PTTG1IP: variants seen among roughly 807,000 people sequenced by gnomAD.
PTTG1IP encodes PTTG1 interacting protein.
In PTTG1IP, 16 loss-of-function variants were observed where a neutral mutation model predicts 24.4. That is an observed-to-expected ratio of 0.66 (90% confidence interval 0.44 to 1.00). The LOEUF (loss-of-function observed/expected upper bound fraction) is 1.00. Among genes scored for constraint, PTTG1IP ranks in the 50% least tolerant of loss-of-function variants. The probability of loss-of-function intolerance (pLI) is 0.00; values close to 1 mark genes in which losing one functional copy is unlikely to be tolerated. For synonymous variants in PTTG1IP, 89 were observed against 96.8 expected (o/e 0.92, Z 0.47); for missense variants, 241 against 245.8 (o/e 0.98, Z 0.13).
chr21:44,869,642 T>A (rs1050853932), intron 1 of PTTG1IP, among the ~76,000 whole-genome samples: 3 of 152,208 alleles, frequency 2.0e-5, no homozygotes, highest in African/African-American at 7.2e-5. Context: ...AATTGTATTA[T>A]AAATTTAAAA....
intron 3 of PTTG1IP, among the ~76,000 whole-genome samples, chr21:44,858,824 C>A (rs1320855238): frequency 6.6e-6 from 1 of 152,232 alleles, no homozygotes; most frequent in Non-Finnish European, 1.5e-5. Context: ...GCACAAGACA[C>A]CACTACACAC....
chr21:44,862,825 G>A (rs1017496567), intron 2 of PTTG1IP, among the ~76,000 whole-genome samples: 1 of 152,134 alleles, frequency 6.6e-6, no homozygotes, highest in Non-Finnish European at 1.5e-5. Context: ...GTTTATTCTG[G>A]TCATTTGGGA....
Position 44,861,309 on chromosome 21 carries a change from C to T in PTTG1IP, c.169-38G>A, listed in dbSNP as rs1285046618. On this transcript the variant is annotated intron_variant, in intron 2 of 5. Transcript: ENST00000330938. ...AACATTAAGCAAGCATTAGAAACAA[C>T]AGAAAAACCAAAGAACTGTCCAGGC... The T allele has an allele frequency of 2.6e-6, 4 of 1,553,970 alleles. No individual in the cohort carries two copies. The African/African-American group carries it at 4.1e-5, about 16-fold the overall frequency.
Position 44,850,537 on chromosome 21 carries a change from G to C in PTTG1IP, c.*1044C>G, listed in dbSNP as rs554712613. On this transcript the variant is annotated 3_prime_UTR_variant, in exon 6 of 6. Coordinates refer to ENST00000330938, the MANE Select transcript of PTTG1IP (RefSeq NM_004339.4). ...GCAGAAGGAGCACCAGCGCCTGCTGGGTGGTGTGGGGAGAGCCCTCAGCTG... is the reference window on the plus strand; with the variant it reads ...GCAGAAGGAGCACCAGCGCCTGCTGCGTGGTGTGGGGAGAGCCCTCAGCTG... The C allele has an allele frequency of 1.3e-5, 2 of 152,428 alleles. No individual in the cohort carries two copies. Among genetic ancestry groups the C allele is most frequent in the African/African-American group, 4.8e-5 (2 of 41,584 alleles). 9.4% of individuals were successfully genotyped at this position (152,428 alleles called of 1,614,324 possible). A position where few individuals can be genotyped will look rare whatever the true frequency, so the allele number is the denominator to read the frequency against.
intron 3 of PTTG1IP, among the ~76,000 whole-genome samples, chr21:44,856,809 G>C (rs917072435): frequency 3.3e-5 from 5 of 152,056 alleles, no homozygotes; most frequent in African/African-American, 1.2e-4. Context: ...TTAAACCAAA[G>C]TCAAGAATAT....
intron 1 of PTTG1IP, among the ~76,000 whole-genome samples, chr21:44,869,611 A>G (rs1157300641): frequency 6.6e-6 from 1 of 152,238 alleles, no homozygotes; most frequent in African/African-American, 2.4e-5. Flanking sequence ...ATCAATTTTT[A>G]AAAATAAATA....
chr21:44,872,341 A>G (rs2282116), intron 1 of PTTG1IP, among the ~76,000 whole-genome samples: 15,773 of 152,264 alleles, frequency 0.1, 1,269 homozygotes, highest in East Asian at 0.35. Flanking sequence ...GCATCGGAAT[A>G]AACATTCCAT....
rs779842845 is a variant in PTTG1IP at position 44,861,268 on chromosome 21, G to A, written c.172C>T (p.Leu58Phe). ...CEECLKNVSC[L>F]WCNTNKACLD... Reference sequence around the variant, plus strand: ...CAAGCCTTGTTAGTGTTGCACCAAAGACACTGAAAGAGACCAACATTAAGC... The same window carrying A: ...CAAGCCTTGTTAGTGTTGCACCAAAAACACTGAAAGAGACCAACATTAAGC... Residue 58 changes from leucine (L) to phenylalanine (F), a missense_variant, in exon 3 of 6, where the codon CTT (leucine) becomes TTT (phenylalanine). By Grantham distance (22) the Leu-to-Phe change is conservative (BLOSUM62 0). Transcript: ENST00000330938. 6.2e-7 allele frequency: 1 copy of A among 1,610,178 alleles called. No homozygotes were observed. The highest frequency in any genetic ancestry group is 8.5e-7 in the Non-Finnish European group (1 of 1,177,272).
At chr21:44,866,450 T>A (rs1601255968) in intron 1 of PTTG1IP, among the ~76,000 whole-genome samples, 1 of 20,900 alleles carries the variant, frequency 4.8e-5, no homozygotes, top group Non-Finnish European at 8.8e-5. Context: ...ACACACAGAG[T>A]GCCTACTCCC....
At chr21:44,853,915 A>AGACCGGCAG (rs1237556029) in intron 5 of PTTG1IP, among the ~76,000 whole-genome samples, 3 of 152,226 alleles carry the variant, frequency 2.0e-5, no homozygotes, top group African/African-American at 7.2e-5. Flanking sequence ...CGACACTTCG[A>AGACCGGCAG]GACCGGCAGG....
chr21:44,872,608 T>C (rs1487619497), intron 1 of PTTG1IP, among the ~76,000 whole-genome samples: 2 of 152,138 alleles, frequency 1.3e-5, no homozygotes, highest in African/African-American at 4.8e-5. Flanking sequence ...CTGCTGGATT[T>C]TCCCGCAGCC....
intron 3 of PTTG1IP, among the ~76,000 whole-genome samples, chr21:44,858,731 C>T (rs2083467650): frequency 6.6e-6 from 1 of 152,176 alleles, no homozygotes; most frequent in African/African-American, 2.4e-5. Context: ...GATGTCATTT[C>T]ACAAGAGAAT....
rs145441614 is a variant in PTTG1IP, at chr21:44,863,880, G to T, written c.168+1515C>A. On this transcript the variant is annotated intron_variant, in intron 2 of 5. Transcript: ENST00000330938. ...GGGTGTGTCTCGAACCTACGCTACG[G>T]TCTCGTGGAGGAAGAAGAGTTTTTA... Among the ~76,000 whole-genome samples, 5 of 152,298 alleles carry T rather than the reference G, an allele frequency of 3.3e-5. No homozygotes were observed. The East Asian group carries it at 9.6e-4, about 29-fold the overall frequency.
chr21:44,865,164 G>A (rs1393743753), intron 2 of PTTG1IP, among the ~76,000 whole-genome samples: 3 of 152,232 alleles, frequency 2.0e-5, no homozygotes, highest in Non-Finnish European at 4.4e-5. Context: ...GCATAGGAGT[G>A]AAATCATGGA....
Position 44,862,375 on chromosome 21 carries a change from C to T in PTTG1IP, c.169-1104G>A, listed in dbSNP as rs563892299. Among the ~76,000 whole-genome samples, 41 of 152,320 alleles carry T rather than the reference C, an allele frequency of 2.7e-4. No homozygotes were observed. In the East Asian group the frequency reaches 6.7e-3, roughly 25 times the overall value. ...TCTTTGTTAAAAATACAAAATAAGC[C>T]GGGCGTGGTGGCACATGCCTGTAAT... On this transcript the variant is annotated intron_variant, in intron 2 of 5. Transcript: ENST00000330938.
chr21:44,862,384 T>C (rs1277396521), intron 2 of PTTG1IP, among the ~76,000 whole-genome samples: 3 of 152,204 alleles, frequency 2.0e-5, no homozygotes, highest in African/African-American at 7.2e-5. Flanking sequence ...CCGGGCGTGG[T>C]GGCACATGCC....
At chr21:44,858,577 C>T (rs2051148623) in intron 3 of PTTG1IP, among the ~76,000 whole-genome samples, 1 of 152,220 alleles carries the variant, frequency 6.6e-6, no homozygotes, top group African/African-American at 2.4e-5. Context: ...GAAATGGCTG[C>T]CTCCCCGAGC....
Position 44,851,157 on chromosome 21 carries a change from TCTC to T in PTTG1IP, c.*421_*423del. 1 of 608,076 alleles carries T rather than the reference TCTC, an allele frequency of 1.6e-6. No individual in the cohort carries two copies. Among genetic ancestry groups the T allele is most frequent in the Non-Finnish European group, 2.8e-6 (1 of 359,094 alleles). 37.7% of individuals were successfully genotyped at this position (608,076 alleles called of 1,614,324 possible). ...TGGGGAATGATGAGGGCTGGTCAGT[TCTC>T]CTCATGACAAAAGTCAAACCGACTT... On this transcript the variant is annotated 3_prime_UTR_variant, in exon 6 of 6. Coordinates refer to ENST00000330938, the MANE Select transcript of PTTG1IP (RefSeq NM_004339.4).
At chr21:44,856,785 T>G (rs1300948003) in intron 3 of PTTG1IP, among the ~76,000 whole-genome samples, 3 of 152,230 alleles carry the variant, frequency 2.0e-5, no homozygotes, top group Non-Finnish European at 4.4e-5. Flanking sequence ...TGATGCAGCT[T>G]TCTTTTTTTT....
Sources: gnomAD v4.1 joint callset for allele counts (sites outside exome capture counted in the v4.1 genomes callset) on GRCh38, gnomAD v4.1.1 for gene constraint, MANE v1.5 for transcripts, NCBI Gene and HGNC (gene_info 2026-07-23, HGNC 2026-07-21) for gene names.